CHAF1B: variants seen among roughly 807,000 people sequenced by gnomAD.
The protein encoded by CHAF1B is chromatin assembly factor 1 subunit B.
In CHAF1B, 10 loss-of-function variants were observed where a neutral mutation model predicts 60.7. The observed-to-expected ratio is 0.16, with a 90% confidence interval of 0.10 to 0.28. The LOEUF (loss-of-function observed/expected upper bound fraction) is 0.28, where lower values mean the gene tolerates loss of function less well. Among genes scored for constraint, CHAF1B ranks in the 10% least tolerant of loss-of-function variants. The pLI, the probability that CHAF1B is intolerant of heterozygous loss-of-function variation, is 1.00. For missense variants in CHAF1B, 558 were observed against 708.4 expected, an observed-to-expected ratio of 0.79 and a Z score of 2.41; for synonymous variants, 261 against 266.1, an observed-to-expected ratio of 0.98 and a Z score of 0.19.
chr21:36,409,186 A>T (rs2086258850), intron 9 of CHAF1B, among the ~76,000 whole-genome samples, 188 bp from the exon 10 acceptor site: 1 of 130,624 alleles, frequency 7.7e-6, no homozygotes. Context: ...TTTTTAGTAG[A>T]GATGGGGTTT....
intron 7 of CHAF1B, among the ~76,000 whole-genome samples, chr21:36,401,332 T>A (rs1601563081): frequency 7.0e-6 from 1 of 143,366 alleles, no homozygotes; most frequent in South Asian, 2.1e-4. Context: ...TTTAATATGT[T>A]ATATATTTAT....
chr21:36,389,799 GTGCGCGC>G (rs1289676353), intron 3 of CHAF1B, among the ~76,000 whole-genome samples: 3 of 137,672 alleles, frequency 2.2e-5, no homozygotes, highest in African/African-American at 9.0e-5. Context: ...GTGTGTGTGT[GTGCGCGC>G]GCACGCTGAT....
Position 36,416,435 on chromosome 21 carries a change from G to C in CHAF1B, c.*69G>C. 1 of 1,305,782 alleles carries C rather than the reference G, an allele frequency of 7.7e-7. No homozygotes were observed. The highest frequency in any genetic ancestry group is 1.1e-6 in the Non-Finnish European group (1 of 929,478). 80.9% of individuals were successfully genotyped at this position (1,305,782 alleles called of 1,614,324 possible). A position where few individuals can be genotyped will look rare whatever the true frequency, so the allele number is the denominator to read the frequency against. On this transcript the variant is annotated 3_prime_UTR_variant, in exon 14 of 14. Coordinates refer to ENST00000314103, the MANE Select transcript of CHAF1B (RefSeq NM_005441.3). ...GTGCAGGGAGACGGTAAAGCTGGAG[G>C]TGCCTGAGACCAGGGCTTCCATGGA...
At chr21:36,393,975 CT>C (rs1274920097) in intron 4 of CHAF1B, among the ~76,000 whole-genome samples, 66 of 152,212 alleles carry the variant, frequency 4.3e-4, no homozygotes, top group Middle Eastern at 3.4e-3. Context: ...TCTTGGCTCA[CT>C]GCAATCTCTG....
chr21:36,411,615 GC>G lies in CHAF1B; in HGVS notation c.1061+12del, dbSNP rs763442527. On this transcript the variant is annotated intron_variant, in intron 11 of 13. Coordinates refer to ENST00000314103, the MANE Select transcript of CHAF1B (RefSeq NM_005441.3). The stretch of plus-strand genomic sequence containing the variant: ...CAGTGACATTTCATGGTGAGTGGCT[GC>G]TAATGAGGGAGAGTGAGTGAAGGAG... 1.2e-4 allele frequency: 197 copies of G among 1,613,910 alleles called. No homozygotes were observed. In the East Asian group the frequency reaches 4.4e-3, roughly 36 times the overall value.
chr21:36,399,395 CA>C, intron 6 of CHAF1B, 125 bp from the exon 7 acceptor site: 1 of 747,232 alleles, frequency 1.3e-6, no homozygotes, highest in Non-Finnish European at 2.3e-6. Flanking sequence ...TTGTGAATAT[CA>C]TTGGTAAAAG....
intron 5 of CHAF1B, among the ~76,000 whole-genome samples, chr21:36,395,576 C>T (rs897531111): frequency 9.2e-5 from 14 of 152,182 alleles, no homozygotes; most frequent in African/African-American, 3.1e-4. Context: ...GTTAGGATCT[C>T]GGGAAGATTA....
At chr21:36,388,675 C>T (rs2086056930) in intron 3 of CHAF1B, among the ~76,000 whole-genome samples, 1 of 152,060 alleles carries the variant, frequency 6.6e-6, no homozygotes, top group African/African-American at 2.4e-5. Flanking sequence ...CCTTGTCAGC[C>T]AGGCTGGTCT....
intron 3 of CHAF1B, 88 bp from the exon 4 acceptor site, chr21:36,391,463 C>CAA (rs376106303): frequency 5.7e-3 from 2,910 of 510,142 alleles, no homozygotes; most frequent in Middle Eastern, 7.1e-3. Context: ...GACTCCGTCT[C>CAA]AAAAAAAAAA....
Position 36,413,073 on chromosome 21 carries a change from G to A in CHAF1B, c.1251G>A (p.Glu417=), listed in dbSNP as rs1315840683. 1 of 1,614,154 alleles carries A rather than the reference G, an allele frequency of 6.2e-7. No homozygotes were observed. The highest frequency in any genetic ancestry group is 8.5e-7 in the Non-Finnish European group (1 of 1,180,040). ...RGSSPGPRPV[E]GTPASRTQDP... ...CTTCGCCAGGACCCAGACCGGTAGAGGGAACCCCTGCCAGCAGAACCCAAG... is the reference window on the plus strand; with the variant it reads ...CTTCGCCAGGACCCAGACCGGTAGAAGGAACCCCTGCCAGCAGAACCCAAG... The change falls in exon 12 of 14, where the codon GAG becomes GAA. Residue 417 remains glutamate (E), a synonymous_variant. Transcript: ENST00000314103.
intron 5 of CHAF1B, among the ~76,000 whole-genome samples, chr21:36,397,100 C>A (rs939193080): frequency 6.6e-6 from 1 of 152,172 alleles, no homozygotes; most frequent in Non-Finnish European, 1.5e-5. Flanking sequence ...TCCTGCCTGA[C>A]CTGGGGAACT....
At chr21:36,396,974 T>G (rs1244579371) in intron 5 of CHAF1B, among the ~76,000 whole-genome samples, 3 of 152,208 alleles carry the variant, frequency 2.0e-5, no homozygotes, top group African/African-American at 7.2e-5. Flanking sequence ...TTGGCCCTCC[T>G]CTGTACCCAT....
chr21:36,406,588 C>CT (rs932107360), intron 8 of CHAF1B, among the ~76,000 whole-genome samples: 26 of 148,164 alleles, frequency 1.8e-4, no homozygotes, highest in Admixed American at 4.1e-4. Context: ...ACCTGGCCTC[C>CT]TTTTTTTTTT....
intron 12 of CHAF1B, 69 bp downstream of exon 12, chr21:36,413,384 C>G (rs1423177476): frequency 7.0e-7 from 1 of 1,426,524 alleles, no homozygotes; most frequent in African/African-American, 1.4e-5. Context: ...CGCTCCCACC[C>G]TGCTGCAGGT....
intron 6 of CHAF1B, among the ~76,000 whole-genome samples, chr21:36,398,643 A>G (rs2086162594): frequency 6.6e-6 from 1 of 152,250 alleles, no homozygotes; most frequent in African/African-American, 2.4e-5. Flanking sequence ...TACAGGCGTG[A>G]GCCACCTCGC....
chr21:36,391,650 C>T lies in CHAF1B; in HGVS notation c.359C>T (p.Thr120Met), dbSNP rs757870005. Reference sequence around the variant, plus strand: ...GCCCAGCTGAACAAGGAGAACTGGACGGTTGTGAAGACTCTGCGGTAACTT... The same window carrying T: ...GCCCAGCTGAACAAGGAGAACTGGATGGTTGTGAAGACTCTGCGGTAACTT... The part of the protein sequence containing the change: ...DEAQLNKENW[T>M]VVKTLRGHLE... Residue 120 changes from threonine to methionine, a missense_variant, in exon 4 of 14, where the codon ACG (threonine) becomes ATG (methionine). By Grantham distance (81) the Thr-to-Met change is moderately conservative. Transcript: ENST00000314103. 1.7e-5 allele frequency: 28 copies of T among 1,610,756 alleles called. No homozygotes were observed. Among genetic ancestry groups the T allele is most frequent in the Admixed American group, 1.2e-4 (7 of 59,910 alleles).
intron 4 of CHAF1B, among the ~76,000 whole-genome samples, chr21:36,392,563 C>T (rs964433146): frequency 6.6e-6 from 1 of 151,422 alleles, no homozygotes; most frequent in African/African-American, 2.4e-5. Context: ...TGCCCCCCAC[C>T]TCCTGGACGG....
At position 36,391,904 on chromosome 21, in the gene CHAF1B, T is replaced by A. The variant is rs1020475089; in HGVS notation, c.377+236T>A. Among the ~76,000 whole-genome samples, 14 of 133,516 alleles carry A rather than the reference T, an allele frequency of 1.0e-4. No individual in the cohort carries two copies. In the South Asian group the frequency reaches 1.5e-3, roughly 14 times the overall value. 87.6% of individuals were successfully genotyped at this position (133,516 alleles called of 152,430 possible). ...CATGCTACCATGCCCTGCTGATTTTTAAATTTTTTTTTTTTTTTTTTTTTT... is the reference window on the plus strand; with the variant it reads ...CATGCTACCATGCCCTGCTGATTTTAAAATTTTTTTTTTTTTTTTTTTTTT... On this transcript the variant is annotated intron_variant, in intron 4 of 13. Transcript: ENST00000314103.
intron 5 of CHAF1B, among the ~76,000 whole-genome samples, chr21:36,396,326 G>A (rs1808035120): frequency 7.9e-6 from 1 of 126,912 alleles, no homozygotes; most frequent in Admixed American, 9.3e-5. Context: ...TCATAAGTGT[G>A]ATGGGTTGTT....
Sources: allele counts gnomAD v4.1 joint callset (sites outside exome capture counted in the v4.1 genomes callset), GRCh38; gene constraint gnomAD v4.1.1; transcripts MANE v1.5; gene names NCBI Gene and HGNC (gene_info 2026-07-23, HGNC 2026-07-21).